Variants in UTS2B observed in about 807,000 individuals in gnomAD.
UTS2B encodes the protein urotensin 2B.
In UTS2B, 21 loss-of-function variants were observed where a neutral mutation model predicts 19.2. The observed-to-expected ratio is 1.09, with a 90% CI of 0.78 to 1.58. UTS2B has a LOEUF of 1.58. Ranked by LOEUF, UTS2B falls within the 40% of genes most tolerant of loss-of-function variation. The pLI is 0.00. For synonymous variants in UTS2B, 57 were observed against 50.2 expected (o/e 1.14, Z -0.58); for missense variants, 138 against 130.3 (o/e 1.06, Z -0.29).
chr3:191,312,473 C>T (rs1223588239), intron 3 of UTS2B, among the ~76,000 whole-genome samples: 1 of 152,124 alleles, frequency 6.6e-6, no homozygotes. Flanking sequence ...TCAGAATCCC[C>T]CAAAATCTTT....
At chr3:191,282,970 C>A (rs1329055719) in intron 4 of UTS2B, among the ~76,000 whole-genome samples, 2 of 152,116 alleles carry the variant, frequency 1.3e-5, no homozygotes, top group African/African-American at 4.8e-5. Flanking sequence ...TTCAGTATAT[C>A]TCCAATTTCA....
intron 3 of UTS2B, among the ~76,000 whole-genome samples, chr3:191,314,071 G>A (rs1363715133): frequency 6.6e-6 from 1 of 152,146 alleles, no homozygotes; most frequent in Admixed American, 6.5e-5. Context: ...CTGTAATGGA[G>A]TAGCTTTTAA....
At chr3:191,312,818 T>C (rs997762046) in intron 3 of UTS2B, among the ~76,000 whole-genome samples, 2 of 152,176 alleles carry the variant, frequency 1.3e-5, no homozygotes, top group Non-Finnish European at 2.9e-5. Context: ...CCTGGGGCTA[T>C]AGAGAATAGG....
chr3:191,343,026 C>T, the UTS2B span, among the ~76,000 whole-genome samples: 19 of 152,076 alleles, frequency 1.2e-4, no homozygotes, highest in Non-Finnish European at 1.6e-4. Context: ...CATTTATACA[C>T]GGATTTTTTT....
the UTS2B span, among the ~76,000 whole-genome samples, chr3:191,345,682 C>A: frequency 3.5e-4 from 53 of 152,194 alleles, 1 homozygote; most frequent in East Asian, 4.6e-3. Flanking sequence ...TATCTACTTG[C>A]CAAACAAGTG....
chr3:191,306,502 A>C (rs1407020121), intron 3 of UTS2B, among the ~76,000 whole-genome samples: 1 of 152,238 alleles, frequency 6.6e-6, no homozygotes, highest in African/African-American at 2.4e-5. Context: ...ATTTCATTTT[A>C]CTTTCAAAAA....
chr3:191,310,330 C>G (rs1359903986), intron 3 of UTS2B, among the ~76,000 whole-genome samples: 4 of 151,874 alleles, frequency 2.6e-5, no homozygotes, highest in Non-Finnish European at 5.9e-5. Context: ...ATAACATCCC[C>G]TTTCAAAACA....
intron 2 of UTS2B, among the ~76,000 whole-genome samples, chr3:191,326,280 C>T (rs997527757): frequency 1.4e-4 from 22 of 151,886 alleles, no homozygotes; most frequent in African/African-American, 4.3e-4. Flanking sequence ...TTTCTAGATA[C>T]GCGGATATTA....
intron 1 of UTS2B, among the ~76,000 whole-genome samples, chr3:191,330,054 G>A (rs2108623456): frequency 6.6e-6 from 1 of 151,998 alleles, no homozygotes; most frequent in Non-Finnish European, 1.5e-5. Context: ...GACTTACTCC[G>A]CTTCTAAAAA....
intron 3 of UTS2B, among the ~76,000 whole-genome samples, chr3:191,308,452 T>C (rs1717203060): frequency 6.6e-6 from 1 of 152,246 alleles, no homozygotes; most frequent in African/African-American, 2.4e-5. Flanking sequence ...ACATGCACTA[T>C]ATCTCTTTTT....
chr3:191,291,933 A>C (rs1716731593), intron 4 of UTS2B, among the ~76,000 whole-genome samples: 1 of 152,150 alleles, frequency 6.6e-6, no homozygotes, highest in Non-Finnish European at 1.5e-5. Context: ...TGAACTATAA[A>C]TTTTATTCCA....
chr3:191,272,315 A>T (rs759450875), intron 8 of UTS2B, among the ~76,000 whole-genome samples: 4 of 152,238 alleles, frequency 2.6e-5, no homozygotes, highest in Non-Finnish European at 5.9e-5. Flanking sequence ...GGAAACTGAT[A>T]TCATAGGTTT....
intron 2 of UTS2B, among the ~76,000 whole-genome samples, chr3:191,327,649 A>T (rs761717818): frequency 2.1e-4 from 32 of 152,100 alleles, no homozygotes; most frequent in Non-Finnish European, 4.6e-4. Context: ...CCTTCTTTTG[A>T]TTTTCTGCCA....
chr3:191,329,926 T>G (rs1717896145), intron 1 of UTS2B, among the ~76,000 whole-genome samples: 1 of 120,224 alleles, frequency 8.3e-6, no homozygotes, highest in African/African-American at 3.5e-5. Context: ...AGCCCGTTTT[T>G]TCTCAAGGGG....
intron 4 of UTS2B, among the ~76,000 whole-genome samples, chr3:191,283,886 CTTAT>C (rs1716459865): frequency 6.6e-6 from 1 of 152,054 alleles, no homozygotes. Flanking sequence ...GATATCTGTC[CTTAT>C]TTATTTAATA....
rs10669169 is a variant in UTS2B, at chr3:191,319,703, CA to C, written c.-585-3265del. On this transcript the variant is annotated intron_variant, in intron 2 of 8. Coordinates refer to ENST00000340524, the MANE Select transcript of UTS2B (RefSeq NM_198152.5). ...TGAAACCCTGTCTCTGCTAAAAATACAAAAAAAAAAAAAAATTAGCCAGGTG... is the reference window on the plus strand; with the variant it reads ...TGAAACCCTGTCTCTGCTAAAAATACAAAAAAAAAAAAAATTAGCCAGGTG... 1.6e-3 allele frequency among the ~76,000 whole-genome samples: 219 copies of C among 134,826 alleles called. 1 individual carries two copies. The highest frequency in any genetic ancestry group is 6.0e-3 in the East Asian group (28 of 4,660). 88.5% of individuals were successfully genotyped at this position (134,826 alleles called of 152,430 possible). A position where few individuals can be genotyped will look rare whatever the true frequency, so the allele number is the denominator to read the frequency against.
At chr3:191,309,381 G>A (rs1223186405) in intron 3 of UTS2B, among the ~76,000 whole-genome samples, 1 of 151,612 alleles carries the variant, frequency 6.6e-6, no homozygotes, top group Non-Finnish European at 1.5e-5. Context: ...CACCGTGTTA[G>A]CCAGGACGGT....
intron 8 of UTS2B, among the ~76,000 whole-genome samples, chr3:191,272,391 G>C (rs1490531540): frequency 1.3e-5 from 2 of 152,186 alleles, no homozygotes; most frequent in Non-Finnish European, 2.9e-5. Flanking sequence ...GCAACAGCTT[G>C]GGATTCAGAT....
chr3:191,338,292 T>G, the UTS2B span, among the ~76,000 whole-genome samples: 1 of 152,222 alleles, frequency 6.6e-6, no homozygotes. Context: ...GTTTTTCTTT[T>G]ATATTATGAA....
Sources: allele counts gnomAD v4.1 joint callset (sites outside exome capture counted in the v4.1 genomes callset), GRCh38; gene constraint gnomAD v4.1.1; transcripts MANE v1.5; gene names NCBI Gene and HGNC (gene_info 2026-07-23, HGNC 2026-07-21).